Variants in ANOS1 observed in about 807,000 individuals in gnomAD.
ANOS1 encodes the protein anosmin-1.
A neutral mutation model predicts 59.0 loss-of-function variants in ANOS1; 6 were observed. The observed-to-expected ratio is 0.10, with a 90% CI of 0.06 to 0.20. The LOEUF (loss-of-function observed/expected upper bound fraction) is 0.20, where lower values mean the gene tolerates loss of function less well. ANOS1 is among the 10% of genes least tolerant of loss of function. ANOS1 has a pLI of 1.00. For missense variants in ANOS1, 433 were observed against 542.3 expected, an observed-to-expected ratio of 0.80 and a Z score of 2.00; for synonymous variants, 217 against 223.4, an observed-to-expected ratio of 0.97 and a Z score of 0.25.
At chrX:8,535,952 TCAGA>T in intron 11 of ANOS1, 141 bp from the exon 12 acceptor site, 2 of 525,507 alleles carry the variant, frequency 3.8e-6, no homozygotes, top group Non-Finnish European at 3.4e-6. Flanking sequence ...AAACATGGGT[TCAGA>T]CAATCACCCC....
chrX:8,585,000 T>A (rs1456781945), intron 6 of ANOS1, among the ~76,000 whole-genome samples: 1 of 111,469 alleles, frequency 9.0e-6, no homozygotes, highest in African/African-American at 3.3e-5. Flanking sequence ...TCAACAGATG[T>A]TGATAATGAA....
intron 2 of ANOS1, among the ~76,000 whole-genome samples, chrX:8,657,231 A>G (rs769209266): frequency 4.4e-4 from 49 of 112,423 alleles, no homozygotes; most frequent in Admixed American, 3.1e-3. Context: ...TCCTGAAAAC[A>G]ATGGAAGCTT....
chrX:8,572,297 C>G (rs886277186), intron 6 of ANOS1, among the ~76,000 whole-genome samples: 1 of 110,544 alleles, frequency 9.0e-6, no homozygotes. Context: ...CCACCTCCCC[C>G]AAGCAGGCCC....
intron 1 of ANOS1, among the ~76,000 whole-genome samples, 188 bp downstream of exon 1, chrX:8,731,642 G>GA (rs1205673894): frequency 2.7e-5 from 3 of 112,481 alleles, no homozygotes; most frequent in African/African-American, 9.7e-5. Flanking sequence ...TTCTTTTCAG[G>GA]AGCCGGGAAG....
intron 3 of ANOS1, among the ~76,000 whole-genome samples, chrX:8,601,491 C>T (rs1249495844): frequency 1.8e-5 from 2 of 111,583 alleles, no homozygotes; most frequent in African/African-American, 3.3e-5. Context: ...TTGGGGCAGA[C>T]ATAAAAACAA....
intron 8 of ANOS1, among the ~76,000 whole-genome samples, chrX:8,556,979 T>C (rs1273908340): frequency 2.7e-5 from 3 of 111,103 alleles, no homozygotes; most frequent in Non-Finnish European, 5.7e-5. Flanking sequence ...ACAAAACAGA[T>C]ATATAGACCA....
At chrX:8,541,219 A>G (rs1419971464) in intron 9 of ANOS1, among the ~76,000 whole-genome samples, 1 of 106,442 alleles carries the variant, frequency 9.4e-6, no homozygotes, top group Admixed American at 1.0e-4. Context: ...CCTGGCCAAC[A>G]TGGTGAAACC....
At chrX:8,602,545 A>C (rs1184263810) in intron 3 of ANOS1, among the ~76,000 whole-genome samples, 2 of 111,587 alleles carry the variant, frequency 1.8e-5, no homozygotes, top group Non-Finnish European at 3.8e-5. Flanking sequence ...TGTAATACCC[A>C]TCAATTTTAT....
chrX:8,686,712 G>T (rs966752682), intron 2 of ANOS1, among the ~76,000 whole-genome samples: 1 of 111,711 alleles, frequency 9.0e-6, no homozygotes, highest in Non-Finnish European at 1.9e-5. Context: ...CAACGCTTTG[G>T]GGGCCAAGGT....
At chrX:8,616,535 T>G (rs1435166513) in intron 3 of ANOS1, among the ~76,000 whole-genome samples, 1 of 111,596 alleles carries the variant, frequency 9.0e-6, no homozygotes, top group Non-Finnish European at 1.9e-5. Context: ...ACAGCACATC[T>G]CATACGGATT....
intron 1 of ANOS1, among the ~76,000 whole-genome samples, chrX:8,704,273 A>G (rs1932770771): frequency 8.9e-6 from 1 of 111,798 alleles, no homozygotes; most frequent in Non-Finnish European, 1.9e-5. Context: ...AGACTAATAC[A>G]CACCTTGATT....
intron 3 of ANOS1, among the ~76,000 whole-genome samples, chrX:8,610,195 T>C: frequency 9.1e-6 from 1 of 110,147 alleles, no homozygotes; most frequent in Non-Finnish European, 1.9e-5. Flanking sequence ...GGAGCTTATG[T>C]TGGGAAACAA....
chrX:8,535,484 C>A (rs1262242860), intron 12 of ANOS1, 107 bp downstream of exon 12: 63 of 594,200 alleles, frequency 1.1e-4, no homozygotes, highest in Non-Finnish European at 1.7e-4. Flanking sequence ...AAAAATAAGA[C>A]TCAATAGTGC....
intron 4 of ANOS1, among the ~76,000 whole-genome samples, chrX:8,589,304 T>C (rs1930575302): frequency 8.9e-6 from 1 of 112,084 alleles, no homozygotes; most frequent in Non-Finnish European, 1.9e-5. Context: ...GGGTCATGGC[T>C]GAGTAGTGAC....
chrX:8,576,361 C>T (rs771206462), intron 6 of ANOS1, among the ~76,000 whole-genome samples: 2 of 110,221 alleles, frequency 1.8e-5, no homozygotes, highest in Admixed American at 9.8e-5. Flanking sequence ...TGTATTCATT[C>T]GGCTGAATTA....
chrX:8,573,185 T>G (rs1930263538), intron 6 of ANOS1, among the ~76,000 whole-genome samples: 1 of 108,583 alleles, frequency 9.2e-6, no homozygotes, highest in South Asian at 4.3e-4. Flanking sequence ...CACCTTGGCC[T>G]CCCAAGTAGC....
intron 2 of ANOS1, among the ~76,000 whole-genome samples, chrX:8,644,808 C>T (rs180754694): frequency 8.9e-6 from 1 of 112,811 alleles, no homozygotes; most frequent in African/African-American, 3.2e-5. Flanking sequence ...AATCGCCAAT[C>T]AGGAAATCTT....
intron 3 of ANOS1, among the ~76,000 whole-genome samples, chrX:8,600,683 G>C: frequency 8.9e-6 from 1 of 112,172 alleles, no homozygotes; most frequent in Non-Finnish European, 1.9e-5. Context: ...TTAGCTGTTA[G>C]ATGTGTTTTA....
chrX:8,645,014 G>A (rs994537796), intron 2 of ANOS1, among the ~76,000 whole-genome samples: 2 of 112,582 alleles, frequency 1.8e-5, no homozygotes, highest in East Asian at 2.8e-4. Context: ...CATAGGCCAC[G>A]GTCCTTAACT....
Sources: gnomAD v4.1 joint callset for allele counts (sites outside exome capture counted in the v4.1 genomes callset) on GRCh38, gnomAD v4.1.1 for gene constraint, MANE v1.5 for transcripts, NCBI Gene and HGNC (gene_info 2026-07-23, HGNC 2026-07-21) for gene names.